The following REV3L variants were observed in gnomAD, a reference collection of about 807,000 sequenced individuals.
REV3L encodes the protein DNA polymerase zeta catalytic subunit.
Under a neutral mutation model 299.4 loss-of-function variants are expected in REV3L, and 69 were observed. That is an observed-to-expected ratio of 0.23 (90% CI 0.19 to 0.28). REV3L has a LOEUF of 0.28. REV3L is among the 10% of genes least tolerant of loss of function. The pLI, the probability that REV3L is intolerant of heterozygous loss-of-function variation, is 1.00. For missense variants in REV3L, 3,128 were observed against 3,693.8 expected (o/e 0.85, Z 3.97); for synonymous variants, 1,238 against 1,271.4 (o/e 0.97, Z 0.56).
intron 1 of REV3L, among the ~76,000 whole-genome samples, chr6:111,456,563 T>A (rs1790184432): frequency 6.6e-6 from 1 of 152,146 alleles, no homozygotes. Flanking sequence ...CAAAACACTT[T>A]CCTCTCTGTA....
rs746184026 is a variant in REV3L, at chr6:111,376,452, C to G, written c.1903G>C (p.Val635Leu). 6.2e-7 allele frequency: 1 copy of G among 1,613,724 alleles called. No individual in the cohort carries two copies. The highest frequency in any genetic ancestry group is 1.1e-5 in the South Asian group (1 of 91,048). ...MKYPGSLSST[V>L]HSENSHKENS... ...TCTTTATGAGAATTTTCTGAATGAA[C>G]AGTACTGCTTAAAGATCCAGGGTAT... is the stretch of plus-strand genomic sequence containing the variant. The change falls in exon 13 of 32, where the codon GTT becomes CTT. Residue 635 changes from valine (V) to leucine (L), a missense_variant. Physicochemically the swap from Val to Leu is conservative, Grantham distance 32 (BLOSUM62 1). Transcript: ENST00000368802.
At position 111,373,651 on chromosome 6, in the gene REV3L, G is replaced by A. The variant is rs748053354; in HGVS notation, c.4704C>T (p.Asn1568=). Residue 1568 remains asparagine (N), a synonymous_variant, in exon 13 of 32, where the codon AAC becomes AAT. Transcript: ENST00000368802. ...NKNISGSLEH[N]KANKRTRSVT... is the part of the protein sequence containing the mutation. ...CCGATCGTGTCCGTTTATTTGCTTT[G>A]TTATGCTCAAGGGAACCAGAAATAT... 6.2e-7 allele frequency: 1 copy of A among 1,614,080 alleles called. No individual in the cohort carries two copies. Among genetic ancestry groups the A allele is most frequent in the Non-Finnish European group, 8.5e-7 (1 of 1,179,986 alleles).
chr6:111,470,178 A>T (rs1296771117), intron 1 of REV3L, among the ~76,000 whole-genome samples: 4 of 4,996 alleles, frequency 8.0e-4, no homozygotes, highest in Non-Finnish European at 1.2e-3. Flanking sequence ...TATCTCTCAC[A>T]CACACACACA....
intron 18 of REV3L, chr6:111,353,640 G>A (rs1367294293): frequency 1.3e-5 from 2 of 152,158 alleles, no homozygotes; most frequent in African/African-American, 2.4e-5. Context: ...TGACATTTCT[G>A]AGAAAATGGC....
chr6:111,342,078 T>C (rs1187512239), intron 21 of REV3L, among the ~76,000 whole-genome samples: 5 of 152,176 alleles, frequency 3.3e-5, no homozygotes, highest in Middle Eastern at 3.2e-3. Context: ...AGTTTGGAGA[T>C]TGAATCCTAC....
intron 31 of REV3L, among the ~76,000 whole-genome samples, chr6:111,302,289 A>G (rs938846022): frequency 7.2e-5 from 11 of 152,228 alleles, no homozygotes; most frequent in African/African-American, 2.7e-4. Flanking sequence ...CCAAATATAG[A>G]ATTTCTGTAT....
chr6:111,388,984 C>CAAAAT (rs1348678970), intron 7 of REV3L, 122 bp downstream of exon 7: 1 of 672,560 alleles, frequency 1.5e-6, no homozygotes. Flanking sequence ...AAGAAAAATA[C>CAAAAT]ATACAAAATA....
chr6:111,349,565 G>A (rs1235818559), intron 19 of REV3L, among the ~76,000 whole-genome samples: 2 of 151,516 alleles, frequency 1.3e-5, no homozygotes, highest in Admixed American at 1.3e-4. Context: ...GTAATTTTTG[G>A]CACTACCTTT....
rs548582393 is a variant in REV3L at position 111,419,558 on chromosome 6, G to A, written c.140-3086C>T. On this transcript the variant is annotated intron_variant, in intron 1 of 31. Coordinates refer to ENST00000368802, the MANE Select transcript of REV3L (RefSeq NM_001372078.1). ...GATAAACCAGTCTACTACAACTCCC[G>A]TTAGTTAGGATTAGGTTAAATTGTG... is the stretch of plus-strand genomic sequence containing the variant. 4.6e-5 allele frequency among the ~76,000 whole-genome samples: 7 copies of A among 152,254 alleles called. No homozygotes were observed. In the South Asian group the frequency reaches 1.0e-3, roughly 23 times the overall value.
intron 18 of REV3L, among the ~76,000 whole-genome samples, chr6:111,355,886 A>C (rs1778036477): frequency 1.3e-5 from 2 of 152,300 alleles, no homozygotes; most frequent in African/African-American, 4.8e-5. Context: ...AATAGATGGG[A>C]ATCTATCTAG....
chr6:111,473,222 T>C (rs1285485451), intron 1 of REV3L, among the ~76,000 whole-genome samples: 1 of 82,484 alleles, frequency 1.2e-5, no homozygotes, highest in Non-Finnish European at 2.1e-5. Context: ...CATTTTTCAC[T>C]TAGATTTTTT....
At chr6:111,318,093 CTT>C (rs531122236) in intron 26 of REV3L, among the ~76,000 whole-genome samples, 1 of 145,462 alleles carries the variant, frequency 6.9e-6, no homozygotes. Context: ...TTTCTTTTTT[CTT>C]TTTTTTTTTT....
At chr6:111,396,751 A>C (rs1292757377) in intron 4 of REV3L, among the ~76,000 whole-genome samples, 4 of 151,944 alleles carry the variant, frequency 2.6e-5, no homozygotes, top group African/African-American at 9.7e-5. Flanking sequence ...GCTGGTCTTG[A>C]CCTCCTGAGC....
intron 25 of REV3L, among the ~76,000 whole-genome samples, chr6:111,324,219 A>C (rs1283889544): frequency 1.3e-5 from 2 of 152,102 alleles, no homozygotes; most frequent in Non-Finnish European, 2.9e-5. Context: ...GCTGGTCTGG[A>C]ACTCCTGGCC....
chr6:111,338,359 G>A (rs9487618), intron 21 of REV3L, among the ~76,000 whole-genome samples: 10 of 58,480 alleles, frequency 1.7e-4, no homozygotes, highest in Admixed American at 4.8e-4. Context: ...TTTTAAATAA[G>A]ACTGATCTTG....
chr6:111,392,923 A>T lies in REV3L; in HGVS notation c.615T>A (p.Asn205Lys). Residue 205 changes from asparagine to lysine, a missense_variant, in exon 5 of 32, where the codon AAT becomes AAA. Transcript: ENST00000368802. ...TGSCKNHLSG[N>K]SLADTLFRWE... Reference sequence around the variant, plus strand: ...ACCGAAATAAAGTATCAGCAAGAGAATTTCCTGATAAATGATTCTTGCAGG... The same window carrying T: ...ACCGAAATAAAGTATCAGCAAGAGATTTTCCTGATAAATGATTCTTGCAGG... 1 of 1,612,978 alleles carries T rather than the reference A, an allele frequency of 6.2e-7. No individual in the cohort carries two copies. Among genetic ancestry groups the T allele is most frequent in the African/African-American group, 1.3e-5 (1 of 75,024 alleles).
intron 9 of REV3L, among the ~76,000 whole-genome samples, chr6:111,382,644 A>T (rs1780947337): frequency 6.6e-6 from 1 of 152,186 alleles, no homozygotes; most frequent in Admixed American, 6.5e-5. Flanking sequence ...ATCCTAAATA[A>T]ACTTGAAAGC....
In REV3L at chr6:111,374,108, G is replaced by A. The variant is rs1780062737; in HGVS notation, c.4247C>T (p.Thr1416Ile). Residue 1416 changes from threonine to isoleucine, a missense_variant, in exon 13 of 32, where the codon ACC becomes ATC. Coordinates refer to ENST00000368802, the MANE Select transcript of REV3L (RefSeq NM_001372078.1). The part of the protein sequence containing the change: ...SLESKLDQAY[T>I]PNFLHCKDSQ... ...GTCTTTGCAATGCAAAAAATTAGGG[G>A]TATATGCTTGGTCCAGCTTTGATTC... 6.2e-7 allele frequency: 1 copy of A among 1,614,078 alleles called. No homozygotes were observed. The highest frequency in any genetic ancestry group is 8.5e-7 in the Non-Finnish European group (1 of 1,179,984).
At chr6:111,465,647 C>T (rs1012834584) in intron 1 of REV3L, among the ~76,000 whole-genome samples, 26 of 146,680 alleles carry the variant, frequency 1.8e-4, no homozygotes, top group Non-Finnish European at 3.6e-4. Flanking sequence ...GCAGGAGAAT[C>T]GCTTGAACCA....
Sources: gnomAD v4.1 joint callset for allele counts (sites outside exome capture counted in the v4.1 genomes callset) on GRCh38, gnomAD v4.1.1 for gene constraint, MANE v1.5 for transcripts, NCBI Gene and HGNC (gene_info 2026-07-23, HGNC 2026-07-21) for gene names.